TTC17: variants seen among roughly 807,000 people sequenced by gnomAD.
TTC17 encodes tetratricopeptide repeat protein 17.
A neutral mutation model predicts 143.8 loss-of-function variants in TTC17; 58 were observed. The ratio of observed to expected loss-of-function variants is 0.40; its 90% CI spans 0.33 to 0.50. The LOEUF (loss-of-function observed/expected upper bound fraction) is 0.50. Ranked by LOEUF, TTC17 falls within the 20% of genes least tolerant of loss-of-function variation. The pLI is 0.49. For synonymous variants in TTC17, 501 were observed against 497.8 expected, an observed-to-expected ratio of 1.01 and a Z score of -0.09; for missense variants, 1,273 against 1,392.5, an observed-to-expected ratio of 0.91 and a Z score of 1.37.
chr11:43,396,710 A>G lies in TTC17; in HGVS notation c.665A>G (p.Asn222Ser). 1 of 1,557,502 alleles carries G rather than the reference A, an allele frequency of 6.4e-7. No individual in the cohort carries two copies. The part of the protein sequence containing the change: ...GHLIHEGLQK[N>S]TSSWVLYNMA... ...TAATTTTACTTTTTTAATCTCTAGA[A>G]CACTTCCTCGTGGGTACTGTATAAC... The change falls in exon 6 of 24, where the codon AAC becomes AGC. Residue 222 changes from asparagine to serine, a missense_variant and splice_region_variant. Coordinates refer to ENST00000039989, the MANE Select transcript of TTC17 (RefSeq NM_018259.6).
chr11:43,443,940 CAAG>C lies in TTC17; in HGVS notation c.2512-115_2512-113del. 5 of 1,215,570 alleles carry C rather than the reference CAAG, an allele frequency of 4.1e-6. No homozygotes were observed. In the South Asian group the frequency reaches 8.8e-5, roughly 21 times the overall value. 75.3% of individuals were successfully genotyped at this position (1,215,570 alleles called of 1,614,324 possible). ...TATTTAGGTCTTTAAGAATTAAACTCAAGGAGAGAACTTAACCTGAGCACAGTA... is the reference window on the plus strand; with the variant it reads ...TATTTAGGTCTTTAAGAATTAAACTCGAGAGAACTTAACCTGAGCACAGTA... On this transcript the variant is annotated intron_variant, in intron 17 of 23. Transcript: ENST00000039989.
chr11:43,428,875 A>G (rs1336080659), intron 16 of TTC17, among the ~76,000 whole-genome samples: 1 of 152,148 alleles, frequency 6.6e-6, no homozygotes, highest in African/African-American at 2.4e-5. Context: ...TCACCAGGAG[A>G]GAGTGCTGAT....
At chr11:43,379,541 C>G (rs1014016743) in intron 2 of TTC17, among the ~76,000 whole-genome samples, 1 of 152,016 alleles carries the variant, frequency 6.6e-6, no homozygotes, top group Non-Finnish European at 1.5e-5. Context: ...ACAGACTACT[C>G]TAGCCTGGGT....
At chr11:43,465,958 G>A (rs920863176) in intron 21 of TTC17, among the ~76,000 whole-genome samples, 4 of 152,116 alleles carry the variant, frequency 2.6e-5, no homozygotes, top group African/African-American at 7.2e-5. Flanking sequence ...TAAAACTTCT[G>A]GGCATCAGAG....
Position 43,407,661 on chromosome 11 carries a change from A to T in TTC17, c.2064+84A>T. The T allele has an allele frequency of 3.8e-6, 5 of 1,299,106 alleles. No individual in the cohort carries two copies. The African/African-American group carries it at 5.9e-5, about 15-fold the overall frequency. The allele number at this position is 1,299,106 out of a possible 1,614,324, so 80.5% of individuals were successfully genotyped here. A position where few individuals can be genotyped will look rare whatever the true frequency, so the allele number is the denominator to read the frequency against. ...TTACAATTTGTATTTTTCTAGGGAA[A>T]GCATAAAAAATGTCATGTTTTGTCT... On this transcript the variant is annotated intron_variant, in intron 15 of 23. Transcript: ENST00000039989.
rs373752609 is a variant in TTC17, at chr11:43,450,159, C to T, written c.2864C>T (p.Thr955Met). The change falls in exon 20 of 24, where the codon ACG (threonine) becomes ATG (methionine). Residue 955 changes from threonine to methionine, a missense_variant. Thr to Met is a moderately conservative substitution (Grantham distance 81). Around this residue, in one of 3 missense-constraint regions of TTC17, gnomAD observed 878 missense variants for 899.8 expected, o/e 0.98. Transcript: ENST00000039989. ...MEPLCNGNLP[T>M]SMHTLDHLHG... ...CCTCTTTGCAATGGCAATCTCCCCA[C>T]GAGTATGCATACCCTGGACCACTTG... 1.0e-4 allele frequency: 167 copies of T among 1,614,074 alleles called. No homozygotes were observed. The highest frequency in any genetic ancestry group is 1.2e-4 in the Non-Finnish European group (141 of 1,180,040).
chr11:43,481,415 T>C (rs189324519), intron 21 of TTC17, among the ~76,000 whole-genome samples: 79 of 152,318 alleles, frequency 5.2e-4, no homozygotes, highest in African/African-American at 1.8e-3. Flanking sequence ...GTTTAATGAG[T>C]TGGAGGTGTT....
chr11:43,406,031 A>T (rs1441814924), intron 13 of TTC17, 80 bp downstream of exon 13: 2 of 1,461,278 alleles, frequency 1.4e-6, no homozygotes, highest in African/African-American at 2.8e-5. Flanking sequence ...CAAAAAATTG[A>T]TAGAAGGTAG....
intron 16 of TTC17, among the ~76,000 whole-genome samples, chr11:43,424,122 C>T (rs114508465): frequency 0.01 from 1,512 of 149,668 alleles, 29 homozygotes; most frequent in African/African-American, 0.035. Context: ...GAGTCTCGCT[C>T]GCTCTTGTCG....
intron 15 of TTC17, among the ~76,000 whole-genome samples, chr11:43,413,515 A>G (rs1946705170): frequency 1.3e-5 from 2 of 152,132 alleles, no homozygotes; most frequent in Admixed American, 1.3e-4. Flanking sequence ...TTATCAAAAG[A>G]TACTATTCAG....
rs768392304 is a variant in TTC17, at chr11:43,412,997, CACA to C, written c.2065-1592_2065-1590del. ...CCTAGAATAGACACACACACACACA[CACA>C]CACACACACACACACACACACACAC... On this transcript the variant is annotated intron_variant, in intron 15 of 23. Transcript: ENST00000039989. 6.8e-3 allele frequency among the ~76,000 whole-genome samples: 1,016 copies of C among 149,624 alleles called. 3 individuals are homozygous for C. The highest frequency in any genetic ancestry group is 0.01 in the Non-Finnish European group (698 of 67,000).
intron 16 of TTC17, among the ~76,000 whole-genome samples, chr11:43,431,328 G>T (rs1423693362): frequency 1.3e-5 from 2 of 152,152 alleles, no homozygotes; most frequent in African/African-American, 4.8e-5. Context: ...TCTAGTTCTA[G>T]ATCCTTGAGG....
chr11:43,422,492 A>G (rs1590394431), intron 16 of TTC17, among the ~76,000 whole-genome samples: 2 of 152,146 alleles, frequency 1.3e-5, no homozygotes, highest in East Asian at 3.8e-4. Context: ...AATTACTATA[A>G]AAAGGAAAAT....
chr11:43,494,540 G>A lies in TTC17; in HGVS notation c.*636G>A, dbSNP rs548729089. On this transcript the variant is annotated 3_prime_UTR_variant, in exon 24 of 24. Transcript: ENST00000039989. The stretch of plus-strand genomic sequence containing the variant: ...GACCTTTGTAATGTTATTTATGTTG[G>A]GGAGGGAGGGGGGCTGAGAAGGGGA... 6.6e-6 allele frequency: 1 copy of A among 152,210 alleles called. No individual in the cohort carries two copies. The highest frequency in any genetic ancestry group is 1.5e-5 in the Non-Finnish European group (1 of 68,014). The allele number at this position is 152,210 out of a possible 1,614,324, so 9.4% of individuals were successfully genotyped here.
intron 1 of TTC17, among the ~76,000 whole-genome samples, chr11:43,376,661 T>C (rs1490832551): frequency 1.3e-5 from 2 of 152,212 alleles, no homozygotes; most frequent in East Asian, 1.9e-4. Flanking sequence ...TAACATTCTT[T>C]TACACGTTGT....
intron 21 of TTC17, among the ~76,000 whole-genome samples, chr11:43,476,333 G>A (rs1337440899): frequency 6.6e-6 from 1 of 152,232 alleles, no homozygotes; most frequent in East Asian, 1.9e-4. Context: ...GACAGTTTGA[G>A]CAACAGGAGG....
intron 16 of TTC17, among the ~76,000 whole-genome samples, chr11:43,432,930 A>G (rs927928136): frequency 2.9e-4 from 44 of 152,294 alleles, no homozygotes; most frequent in African/African-American, 1.0e-3. Context: ...TCGCCAAGCT[A>G]CATATGCAAA....
intron 21 of TTC17, chr11:43,489,769 G>A (rs998669306): frequency 6.6e-6 from 1 of 150,704 alleles, no homozygotes; most frequent in African/African-American, 2.4e-5. Context: ...GAGGGGGGAG[G>A]GGGGAGGTGA....
At position 43,490,254 on chromosome 11, in the gene TTC17, G is replaced by T. The variant is rs1403810388; in HGVS notation, c.3046G>T (p.Val1016Phe). 1.2e-6 allele frequency: 2 copies of T among 1,611,814 alleles called. No homozygotes were observed. Among genetic ancestry groups the T allele is most frequent in the Non-Finnish European group, 1.7e-6 (2 of 1,178,554 alleles). ...KVLEKNQTSW[V>F]LSSMAALYWR... Reference sequence around the variant, plus strand: ...TCCTTTGCAGAACCAGACGTCCTGGGTCCTCTCCAGCATGGCAGCCCTCTA... The same window carrying T: ...TCCTTTGCAGAACCAGACGTCCTGGTTCCTCTCCAGCATGGCAGCCCTCTA... The change falls in exon 22 of 24, where the codon GTC becomes TTC. Residue 1016 changes from valine (V) to phenylalanine (F), a missense_variant. By Grantham distance (50) the Val-to-Phe change is conservative. Around this residue, in one of 3 missense-constraint regions of TTC17, gnomAD observed 878 missense variants for 899.8 expected, o/e 0.98. Transcript: ENST00000039989.
Sources: allele counts gnomAD v4.1 joint callset (sites outside exome capture counted in the v4.1 genomes callset), GRCh38; gene constraint gnomAD v4.1.1; regional missense constraint gnomAD v4.1.1; transcripts MANE v1.5; gene names NCBI Gene and HGNC (gene_info 2026-07-23, HGNC 2026-07-21).